OLFM1: variants seen among roughly 807,000 people sequenced by gnomAD.
OLFM1 encodes the protein noelin.
A neutral mutation model predicts 49.7 loss-of-function variants in OLFM1; 9 were observed. The observed-to-expected ratio is 0.18, with a 90% CI of 0.11 to 0.32. OLFM1 has a LOEUF of 0.32. OLFM1 is among the 10% of genes least tolerant of loss of function. OLFM1 has a pLI of 1.00. For missense variants in OLFM1, 369 were observed against 661.8 expected (o/e 0.56, Z 4.85); for synonymous variants, 240 against 271.8 (o/e 0.88, Z 1.15).
chr9:135,079,666 G>A lies in OLFM1; in HGVS notation c.96+3864G>A, dbSNP rs185153087. 3.3e-3 allele frequency among the ~76,000 whole-genome samples: 500 copies of A among 152,254 alleles called. 3 individuals carry two copies. The highest frequency in any genetic ancestry group is 0.012 in the African/African-American group (478 of 41,554). ...GACAGAGGCTGCAGCAGGAAGAAGG[G>A]CCTGGAAACCCTGACTCTCACATCC... On this transcript the variant is annotated intron_variant, in intron 1 of 5. Transcript: ENST00000252854.
chr9:135,076,152 C>G, intron 1 of OLFM1: 2 of 1,549,906 alleles, frequency 1.3e-6, no homozygotes, highest in Non-Finnish European at 1.7e-6. Flanking sequence ...AGAGTGAGAG[C>G]CGGATAGCCA....
At position 135,106,807 on chromosome 9, in the gene OLFM1, G is replaced by A. The variant is rs765015882; in HGVS notation, c.735G>A (p.Arg245=). Residue 245 remains arginine (R), a synonymous_variant, in exon 5 of 6, where the codon AGG becomes AGA. Transcript: ENST00000371793. ...TGACTGTCAAGACCTCCGGCTCGAG[G>A]TTCGGATCCTGGATGACAGACCCTC... is the stretch of plus-strand genomic sequence containing the variant. The part of the protein sequence containing the change: ...DPVTVKTSGS[R]FGSWMTDPLA... The A allele has an allele frequency of 2.4e-5, 38 of 1,613,332 alleles. No individual in the cohort carries two copies. The South Asian group carries it at 4.0e-4, about 17-fold the overall frequency.
intron 4 of OLFM1, among the ~76,000 whole-genome samples, chr9:135,101,758 G>A (rs923652647): frequency 5.9e-5 from 9 of 152,222 alleles, no homozygotes; most frequent in Admixed American, 6.5e-5. Flanking sequence ...AAAGCTGAGC[G>A]AAGCCAGAAG....
intron 5 of OLFM1, among the ~76,000 whole-genome samples, chr9:135,116,736 C>G (rs984098237): frequency 2.6e-5 from 4 of 151,966 alleles, no homozygotes; most frequent in Non-Finnish European, 5.9e-5. Flanking sequence ...AAGAGGGCAG[C>G]TTTGTGGCAG....
chr9:135,114,358 G>A (rs933584050), intron 5 of OLFM1, among the ~76,000 whole-genome samples: 10 of 151,714 alleles, frequency 6.6e-5, no homozygotes, highest in East Asian at 1.9e-4. Context: ...CTCGTGATCC[G>A]CCCACCTTAG....
chr9:135,088,300 G>A lies in OLFM1; in HGVS notation c.150+161G>A, dbSNP rs1332698437. 6.6e-6 allele frequency among the ~76,000 whole-genome samples: 1 copy of A among 151,772 alleles called. No individual in the cohort carries two copies. Among genetic ancestry groups the A allele is most frequent in the Non-Finnish European group, 1.5e-5 (1 of 67,902 alleles). On this transcript the variant is annotated intron_variant, in intron 1 of 5. Transcript: ENST00000371793. This position sits in a 1 kb window ranked among gnomAD's most constrained non-coding sequence, Gnocchi z 4.8. ...GCAAGGGCAGGCGTCGCGGGCCGGC[G>A]CAGCGGTGGCGACCCTGCTCCCCGC... is the stretch of plus-strand genomic sequence containing the variant.
intron 5 of OLFM1, among the ~76,000 whole-genome samples, chr9:135,114,542 G>T (rs983415108): frequency 2.6e-5 from 4 of 152,126 alleles, no homozygotes; most frequent in Admixed American, 1.3e-4. Flanking sequence ...CTGCCTGCCT[G>T]GGGGTACAGG....
chr9:135,082,339 G>A (rs943249715), intron 1 of OLFM1, among the ~76,000 whole-genome samples: 15 of 152,274 alleles, frequency 9.9e-5, no homozygotes, highest in Non-Finnish European at 1.8e-4. Context: ...AGGTATACAA[G>A]TTGTCTTCGG....
rs753746351 is a variant in OLFM1, at chr9:135,076,431, G to A, written c.96+629G>A. ...CCTGTGGCGTGCTGGTGTGGGGATC[G>A]TGGGCATTTCAAACGGGCTTGTCGT... On this transcript the variant is annotated intron_variant, in intron 1 of 5. Coordinates refer to the OLFM1 transcript ENST00000252854. 226 of 1,453,966 alleles carry A rather than the reference G, an allele frequency of 1.6e-4. 2 individuals are homozygous for A. Among genetic ancestry groups the A allele is most frequent in the Non-Finnish European group, 2.1e-5 (23 of 1,104,236 alleles). The allele number at this position is 1,453,966 out of a possible 1,614,324, so 90.1% of individuals were successfully genotyped here.
chr9:135,093,568 G>A (rs945597262), intron 2 of OLFM1, among the ~76,000 whole-genome samples: 2 of 152,216 alleles, frequency 1.3e-5, no homozygotes, highest in East Asian at 3.8e-4. Flanking sequence ...TTGAGGCCAG[G>A]TGTGTCTTTG....
Position 135,106,780 on chromosome 9 carries a change from C to T in OLFM1, c.708C>T (p.Pro236=), listed in dbSNP as rs774684447. The T allele has an allele frequency of 5.0e-5, 81 of 1,613,588 alleles. No homozygotes were observed. The highest frequency in any genetic ancestry group is 1.8e-4 in the Admixed American group (11 of 59,986). Residue 236 remains proline, a synonymous_variant, in exon 5 of 6, where the codon CCC becomes CCT. Coordinates refer to ENST00000371793, the MANE Select transcript of OLFM1 (RefSeq NM_001282611.2). ...ACGKLTGISD[P]VTVKTSGSRF... is the part of the protein sequence containing the mutation. ...GGAAGTTGACGGGCATCAGTGACCC[C>T]GTGACTGTCAAGACCTCCGGCTCGA...
chr9:135,114,026 C>T (rs1289059043), intron 5 of OLFM1, among the ~76,000 whole-genome samples: 1 of 152,130 alleles, frequency 6.6e-6, no homozygotes, highest in African/African-American at 2.4e-5. Context: ...TCACATGGCT[C>T]CTCCCTGTGT....
upstream of OLFM1, chr9:135,086,787 C>T: frequency 1.3e-5 from 6 of 448,818 alleles, no homozygotes; most frequent in South Asian, 9.4e-5. Flanking sequence ...CTTGCCCTGC[C>T]TCTGTGCCTG....
rs1275507307 is a variant in OLFM1 at position 135,119,606 on chromosome 9, C to A, written c.886C>A (p.His296Asn). The change falls in exon 6 of 6, where the codon CAC becomes AAC. Residue 296 changes from histidine to asparagine, a missense_variant. His to Asn is a moderately conservative substitution (Grantham distance 68, BLOSUM62 1). Coordinates refer to ENST00000371793, the MANE Select transcript of OLFM1 (RefSeq NM_001282611.2). Reference protein sequence around the residue: ...TDNFTSHRLPHPWSGTGQVVY... With the variant: ...TDNFTSHRLPNPWSGTGQVVY... ...CAATTTCACCTCCCACCGTCTCCCC[C>A]ACCCCTGGTCGGGCACGGGGCAGGT... 2 of 1,614,128 alleles carry A rather than the reference C, an allele frequency of 1.2e-6. No homozygotes were observed. Among genetic ancestry groups the A allele is most frequent in the East Asian group, 2.2e-5 (1 of 44,886 alleles).
rs1404492352 is a variant in OLFM1 at position 135,089,001 on chromosome 9, G to A, written c.150+862G>A. Among the ~76,000 whole-genome samples the A allele has an allele frequency of 3.3e-5, 5 of 152,354 alleles. No individual in the cohort carries two copies. The East Asian group carries it at 9.7e-4, about 29-fold the overall frequency. On this transcript the variant is annotated intron_variant, in intron 1 of 5. Transcript: ENST00000371793. ...GCGGGGAAGGGGCCGCTGCCGGGAA[G>A]GCGCGCCCCAGACCACTGGCCCTTT...
At chr9:135,115,059 C>G (rs1831078713) in intron 5 of OLFM1, among the ~76,000 whole-genome samples, 1 of 152,202 alleles carries the variant, frequency 6.6e-6, no homozygotes, top group African/African-American at 2.4e-5. Context: ...GGGACAATTT[C>G]CCCGCTGGAG....
chr9:135,087,833 G>A lies in OLFM1; in HGVS notation c.-157G>A, dbSNP rs1564268480. The stretch of plus-strand genomic sequence containing the variant: ...AGGCGCGGCGATGGCCGGGGCGCGC[G>A]GGGCGGCGGCGGCGGCGGGCGGGCG... On this transcript the variant is annotated 5_prime_UTR_variant, in exon 1 of 6. Transcript: ENST00000371793. 1 of 923,072 alleles carries A rather than the reference G, an allele frequency of 1.1e-6. No homozygotes were observed. Among genetic ancestry groups the A allele is most frequent in the Non-Finnish European group, 1.3e-6 (1 of 775,714 alleles). The allele number at this position is 923,072 out of a possible 1,614,324, so 57.2% of individuals were successfully genotyped here. A position where few individuals can be genotyped will look rare whatever the true frequency, so the allele number is the denominator to read the frequency against.
chr9:135,110,072 G>A (rs1405548927), intron 5 of OLFM1, among the ~76,000 whole-genome samples: 2 of 152,162 alleles, frequency 1.3e-5, no homozygotes, highest in Non-Finnish European at 2.9e-5. Context: ...CCAGGGCACC[G>A]GGCCCCACAG....
intron 5 of OLFM1, among the ~76,000 whole-genome samples, chr9:135,112,634 C>T (rs953777634): frequency 3.9e-5 from 6 of 152,192 alleles, no homozygotes; most frequent in Admixed American, 6.5e-5. Context: ...GTGGGTGACC[C>T]GTCCACCCAG....
Sources: gnomAD v4.1 joint callset for allele counts (sites outside exome capture counted in the v4.1 genomes callset) on GRCh38, gnomAD v4.1.1 for gene constraint, Gnocchi (gnomAD v3.1) non-coding constraint, MANE v1.5 for transcripts, NCBI Gene and HGNC (gene_info 2026-07-23, HGNC 2026-07-21) for gene names.